Variants in SLC12A9 observed in about 807,000 individuals in gnomAD.
The protein encoded by SLC12A9 is solute carrier family 12 member 9, also known as CCC-interacting protein 1.
A neutral mutation model predicts 66.0 loss-of-function variants in SLC12A9; 55 were observed. That is an observed-to-expected ratio of 0.83 (90% confidence interval 0.67 to 1.04). The LOEUF is 1.04. Ranked by LOEUF, SLC12A9 falls within the 50% of genes least tolerant of loss-of-function variation. SLC12A9 has a pLI of 0.00. For synonymous variants in SLC12A9, 577 were observed against 569.0 expected (o/e 1.01, Z -0.20); for missense variants, 1,061 against 1,241.9 (o/e 0.85, Z 2.19).
chr7:100,854,902 A>G (rs314369), intron 3 of SLC12A9, 148 bp downstream of exon 3: 552,118 of 1,045,850 alleles, frequency 0.53, 151,437 homozygotes, highest in East Asian at 0.82. Context: ...GGTGGCTCAC[A>G]TCTGTAATCC....
At chr7:100,832,991 G>T (rs1317460847) in intron 1 of SLC12A9, among the ~76,000 whole-genome samples, 1 of 152,112 alleles carries the variant, frequency 6.6e-6, no homozygotes, top group Admixed American at 6.5e-5. Flanking sequence ...GCGCAGGCTG[G>T]TCTTGAACTC....
At position 100,865,804 on chromosome 7, in the gene SLC12A9, T is replaced by G. The variant is rs1433090547; in HGVS notation, c.1944T>G (p.Ser648=). ...ATTTCCTGACGGACCCGGCTTTCTC[T>G]GAGCCTGCAGACAGCACCAGGGAGG... ...QDHFLTDPAF[S]EPADSTREGS... The change falls in exon 14 of 14, where the codon TCT becomes TCG. Residue 648 remains serine (S), a synonymous_variant. Coordinates refer to ENST00000354161, the MANE Select transcript of SLC12A9 (RefSeq NM_020246.4). 1 of 1,613,910 alleles carries G rather than the reference T, an allele frequency of 6.2e-7. No individual in the cohort carries two copies. Among genetic ancestry groups the G allele is most frequent in the Non-Finnish European group, 8.5e-7 (1 of 1,180,020 alleles).
At chr7:100,836,033 G>A (rs550050883) in intron 1 of SLC12A9, among the ~76,000 whole-genome samples, 1 of 152,180 alleles carries the variant, frequency 6.6e-6, no homozygotes, top group Non-Finnish European at 1.5e-5. Flanking sequence ...CCAGCAGGGG[G>A]AAGTCTTTTG....
Position 100,865,816 on chromosome 7 carries a change from C to T in SLC12A9, c.1956C>T (p.Asp652=). Residue 652 remains aspartate, a synonymous_variant, in exon 14 of 14, where the codon GAC becomes GAT. Transcript: ENST00000354161. ...LTDPAFSEPA[D]STREGSSPAL... ...ACCCGGCTTTCTCTGAGCCTGCAGA[C>T]AGCACCAGGGAGGGCAGTTCCCCAG... 1 of 1,614,010 alleles carries T rather than the reference C, an allele frequency of 6.2e-7. No individual in the cohort carries two copies. The highest frequency in any genetic ancestry group is 8.5e-7 in the Non-Finnish European group (1 of 1,180,030).
At chr7:100,852,028 T>C (rs908149525), upstream of SLC12A9, among the ~76,000 whole-genome samples, 1 of 152,186 alleles carries the variant, frequency 6.6e-6, no homozygotes, top group Non-Finnish European at 1.5e-5. Flanking sequence ...GAGGACGCGT[T>C]GGCAGGTGGT....
intron 1 of SLC12A9, among the ~76,000 whole-genome samples, chr7:100,829,114 A>G (rs1198376942): frequency 6.6e-6 from 1 of 151,698 alleles, no homozygotes; most frequent in Admixed American, 6.6e-5. Context: ...CAGCCTCCCG[A>G]GTAGCTGGGA....
At chr7:100,864,788 T>C (rs1040645633) in intron 13 of SLC12A9, among the ~76,000 whole-genome samples, 1 of 152,220 alleles carries the variant, frequency 6.6e-6, no homozygotes, top group African/African-American at 2.4e-5. Flanking sequence ...AAATATTACC[T>C]ACCTCATAGC....
At chr7:100,827,448 C>A (rs1322142391) in intron 1 of SLC12A9, 1 of 150,396 alleles carries the variant, frequency 6.6e-6, no homozygotes, top group African/African-American at 2.4e-5. Context: ...CGAGCGGGGA[C>A]GGAGCGGGAG....
At chr7:100,840,190 G>T (rs868004777) in intron 1 of SLC12A9, among the ~76,000 whole-genome samples, 2 of 144,430 alleles carry the variant, frequency 1.4e-5, no homozygotes, top group South Asian at 4.2e-4. Context: ...TTTGTTTTGT[G>T]GTGTGCGTGT....
In SLC12A9 at chr7:100,857,062, G is replaced by A; in HGVS notation, c.643G>A (p.Gly215Arg). 6.2e-7 allele frequency: 1 copy of A among 1,614,232 alleles called. No homozygotes were observed. The highest frequency in any genetic ancestry group is 1.1e-5 in the South Asian group (1 of 91,090). ...TGTGCTCATCAGTTTTGTGGCTGTG[G>A]GGCCGAGGGACATCCGCTTGACTCC... is the stretch of plus-strand genomic sequence containing the variant. ...ASVLISFVAV[G>R]PRDIRLTPRP... The change falls in exon 5 of 14, where the codon GGG becomes AGG. Residue 215 changes from glycine to arginine, a missense_variant. By Grantham distance (125) the Gly-to-Arg change is moderately radical (BLOSUM62 -2). Coordinates refer to ENST00000354161, the MANE Select transcript of SLC12A9 (RefSeq NM_020246.4).
rs760173586 is a variant in SLC12A9, at chr7:100,854,232, G to A, written c.35G>A (p.Arg12Gln). 4.6e-5 allele frequency: 73 copies of A among 1,575,316 alleles called. 1 individual carries two copies. In the South Asian group the frequency reaches 7.7e-4, roughly 17 times the overall value. The part of the protein sequence containing the change: ...ASESSPLLAY[R>Q]LLGEEGVALP... ...GAGAGCTCACCTCTGCTGGCCTACC[G>A]GCTCCTGGGGGAGGAGGGGGTTGCC... The change falls in exon 2 of 14, where the codon CGG becomes CAG. Residue 12 changes from arginine to glutamine, a missense_variant. Coordinates refer to ENST00000354161, the MANE Select transcript of SLC12A9 (RefSeq NM_020246.4).
chr7:100,850,935 G>T (rs569217945), upstream of SLC12A9, among the ~76,000 whole-genome samples: 4 of 151,892 alleles, frequency 2.6e-5, no homozygotes, highest in Admixed American at 6.6e-5. Flanking sequence ...GGCCAGGATG[G>T]TCACAATCTC....
chr7:100,838,580 C>T lies in SLC12A9; in HGVS notation n.228+11533C>T, dbSNP rs138527729. On this transcript the variant is annotated intron_variant and non_coding_transcript_variant, in intron 1 of 1. Coordinates refer to the SLC12A9 transcript ENST00000461016. ...TCACCAAGGCTGGTGTACAGTGACG[C>T]GATCTTGGCTCACTGCGACCTGGCC... 8.5e-4 allele frequency among the ~76,000 whole-genome samples: 130 copies of T among 152,128 alleles called. 1 individual carries two copies. The East Asian group carries it at 0.018, about 21-fold the overall frequency.
chr7:100,828,682 C>A (rs1291945280), intron 1 of SLC12A9, among the ~76,000 whole-genome samples: 1 of 152,074 alleles, frequency 6.6e-6, no homozygotes, highest in Admixed American at 6.6e-5. Context: ...GCAGCCATGA[C>A]CCCTGAGGCT....
intron 1 of SLC12A9, among the ~76,000 whole-genome samples, chr7:100,830,794 T>G (rs1252631246): frequency 6.6e-6 from 1 of 152,074 alleles, no homozygotes; most frequent in Non-Finnish European, 1.5e-5. Flanking sequence ...TCCCATGATT[T>G]CCCCTTTACG....
intron 1 of SLC12A9, among the ~76,000 whole-genome samples, chr7:100,834,616 C>T (rs1403281526): frequency 6.6e-6 from 1 of 152,084 alleles, no homozygotes; most frequent in Non-Finnish European, 1.5e-5. Context: ...GGTGCGGTGG[C>T]TCACACCTAG....
At chr7:100,865,445 T>C (rs1815016087) in intron 13 of SLC12A9, 4 of 1,535,608 alleles carry the variant, frequency 2.6e-6, no homozygotes, top group Non-Finnish European at 3.5e-6. Flanking sequence ...AGAATTGGAG[T>C]GCTCATTAGT....
At chr7:100,839,416 TC>T (rs1490943742) in intron 1 of SLC12A9, among the ~76,000 whole-genome samples, 1 of 152,136 alleles carries the variant, frequency 6.6e-6, no homozygotes, top group Non-Finnish European at 1.5e-5. Context: ...ACCCCTTCCT[TC>T]TTTAACTCAG....
Position 100,862,791 on chromosome 7 carries a change from C to T in SLC12A9, c.1822C>T (p.Gln608Ter), listed in dbSNP as rs1200494992. The T allele has an allele frequency of 6.2e-7, 1 of 1,614,218 alleles. No individual in the cohort carries two copies. The highest frequency in any genetic ancestry group is 1.1e-5 in the South Asian group (1 of 91,086). Residue 608 changes from glutamine (Q) to a stop codon, truncating the protein, a stop_gained, in exon 13 of 14, where the codon CAG (glutamine) becomes TAG (stop). Transcript: ENST00000354161. LOFTEE classifies it high-confidence loss of function. ...VDLTLSPSVR[Q>*]GAQHLLRISG... is the part of the protein sequence containing the mutation. Reference sequence around the variant, plus strand: ...TCTAACCCTCTCACCCTCCGTGCGCCAGGGGGCTCAGCATCTGCTGCGAAT... The same window carrying T: ...TCTAACCCTCTCACCCTCCGTGCGCTAGGGGGCTCAGCATCTGCTGCGAAT...
Sources: allele counts gnomAD v4.1 joint callset (sites outside exome capture counted in the v4.1 genomes callset), GRCh38; gene constraint gnomAD v4.1.1; transcripts MANE v1.5; gene names NCBI Gene and HGNC (gene_info 2026-07-23, HGNC 2026-07-21).